The following DLG2 variants were observed in gnomAD, a reference collection of about 807,000 sequenced individuals.
DLG2 encodes the protein discs large MAGUK scaffold protein 2, also known as disks large homolog 2.
In DLG2, 45 loss-of-function variants were observed where a neutral mutation model predicts 132.5. The observed-to-expected ratio is 0.34, with a 90% CI of 0.27 to 0.44. The LOEUF is 0.44. Among genes scored for constraint, DLG2 ranks in the 20% least tolerant of loss-of-function variants. The pLI, the probability that DLG2 is intolerant of heterozygous loss-of-function variation, is 1.00. For synonymous variants in DLG2, 424 were observed against 419.6 expected (o/e 1.01, Z -0.13); for missense variants, 1,045 against 1,196.9 (o/e 0.87, Z 1.87).
At chr11:84,935,180 C>T (rs1477353836) in intron 6 of DLG2, among the ~76,000 whole-genome samples, 1 of 152,170 alleles carries the variant, frequency 6.6e-6, no homozygotes, top group Non-Finnish European at 1.5e-5. Flanking sequence ...GTAATGTTTT[C>T]ACCAGATTCA....
chr11:83,841,981 C>T (rs941726984), intron 16 of DLG2, among the ~76,000 whole-genome samples: 3 of 152,316 alleles, frequency 2.0e-5, no homozygotes, highest in Admixed American at 6.5e-5. Flanking sequence ...GAGTAAGGAG[C>T]GGCCAGCCTT....
At chr11:85,590,902 A>G (rs6592252) in intron 3 of DLG2, among the ~76,000 whole-genome samples, 19,364 of 152,132 alleles carry the variant, frequency 0.13, 1,493 homozygotes, top group East Asian at 0.28. Context: ...ATCTCACTAT[A>G]TAGGGAAATC....
intron 4 of DLG2, among the ~76,000 whole-genome samples, chr11:85,281,157 T>C (rs1050782552): frequency 6.6e-6 from 1 of 151,966 alleles, no homozygotes; most frequent in Admixed American, 6.6e-5. Context: ...GAGATGAAAT[T>C]TCAAAAAACG....
intron 6 of DLG2, among the ~76,000 whole-genome samples, chr11:84,779,878 A>G (rs1273442782): frequency 2.1e-5 from 3 of 143,102 alleles, no homozygotes; most frequent in Non-Finnish European, 4.7e-5. Context: ...TCAATAACAA[A>G]ACAATCTCTC....
intron 4 of DLG2, among the ~76,000 whole-genome samples, chr11:85,161,328 A>T (rs2152472908): frequency 6.6e-6 from 1 of 152,342 alleles, no homozygotes; most frequent in South Asian, 2.1e-4. Context: ...GCTCAGCAAC[A>T]TGCAGTTCCA....
rs146608846 is a variant in DLG2 at position 85,315,629 on chromosome 11, T to C, written c.41-30264A>G. Among the ~76,000 whole-genome samples the C allele has an allele frequency of 2.7e-3, 409 of 152,128 alleles. 1 individual carries two copies. The highest frequency in any genetic ancestry group is 9.5e-3 in the African/African-American group (396 of 41,544). On this transcript the variant is annotated intron_variant, in intron 3 of 27. Coordinates refer to ENST00000376104, the MANE Select transcript of DLG2 (RefSeq NM_001142699.3). ...CATATATCAGGACACACCAAAGATGTTGGTACCTCAACCCAAGATAGAGAC... is the reference window on the plus strand; with the variant it reads ...CATATATCAGGACACACCAAAGATGCTGGTACCTCAACCCAAGATAGAGAC...
intron 6 of DLG2, among the ~76,000 whole-genome samples, chr11:84,978,345 T>C (rs2055219978): frequency 6.6e-6 from 1 of 152,102 alleles, no homozygotes; most frequent in South Asian, 2.1e-4. Context: ...GAGCCCGCAT[T>C]GCCAAGACAA....
At chr11:83,569,157 G>T (rs1474398232) in intron 19 of DLG2, among the ~76,000 whole-genome samples, 1 of 151,684 alleles carries the variant, frequency 6.6e-6, no homozygotes, top group Non-Finnish European at 1.5e-5. Context: ...TAAAAAATCT[G>T]TTTTAAGTAC....
At chr11:85,225,413 C>A (rs1199280169) in intron 4 of DLG2, among the ~76,000 whole-genome samples, 2 of 152,026 alleles carry the variant, frequency 1.3e-5, no homozygotes, top group Non-Finnish European at 2.9e-5. Flanking sequence ...ACTTCCCGAT[C>A]TTTCCTTCTC....
intron 6 of DLG2, among the ~76,000 whole-genome samples, chr11:85,108,695 A>G (rs78852938): frequency 3.9e-5 from 6 of 152,044 alleles, no homozygotes. Context: ...CTTTTTTCTG[A>G]GACTACTACT....
At chr11:84,253,752 A>T (rs1350815599) in intron 7 of DLG2, among the ~76,000 whole-genome samples, 1 of 152,138 alleles carries the variant, frequency 6.6e-6, no homozygotes, top group African/African-American at 2.4e-5. Context: ...CACTATTTCT[A>T]TGTTATATAT....
rs191321225 is a variant in DLG2, at chr11:83,945,058, A to T, written c.1341-14575T>A. Among the ~76,000 whole-genome samples the T allele has an allele frequency of 1.2e-3, 183 of 152,330 alleles. 1 individual carries two copies. The highest frequency in any genetic ancestry group is 1.3e-4 in the Non-Finnish European group (9 of 68,026). ...AATTTCTCAGTCACTATATGGTCAC[A>T]AATACCATCACCTTTAATCTGTACA... is the stretch of plus-strand genomic sequence containing the variant. On this transcript the variant is annotated intron_variant, in intron 14 of 27. Coordinates refer to ENST00000376104, the MANE Select transcript of DLG2 (RefSeq NM_001142699.3).
chr11:83,976,406 C>G (rs2092220702), intron 12 of DLG2, among the ~76,000 whole-genome samples: 1 of 151,808 alleles, frequency 6.6e-6, no homozygotes, highest in Non-Finnish European at 1.5e-5. Context: ...TGTGGTACAG[C>G]TGGTACATCA....
chr11:85,518,998 G>C (rs2094223993), intron 3 of DLG2, among the ~76,000 whole-genome samples: 1 of 152,192 alleles, frequency 6.6e-6, no homozygotes, highest in Non-Finnish European at 1.5e-5. Context: ...CCTCCTCCTA[G>C]ATTTCAGAAG....
chr11:84,297,112 G>A (rs1455459032), intron 7 of DLG2, among the ~76,000 whole-genome samples: 26 of 144,802 alleles, frequency 1.8e-4, no homozygotes, highest in Admixed American at 4.9e-4. Context: ...ACCCATGTGA[G>A]GTAACCTCAA....
rs147731830 is a variant in DLG2 at position 83,731,361 on chromosome 11, C to A, written c.1825+55329G>T. On this transcript the variant is annotated intron_variant, in intron 18 of 27. Coordinates refer to ENST00000376104, the MANE Select transcript of DLG2 (RefSeq NM_001142699.3). ...GTCCATGTGTTCTTGTTGTATAGGT[C>A]CCACTTATGAGTGAGAACACGTAGT... is the stretch of plus-strand genomic sequence containing the variant. 5.5e-4 allele frequency among the ~76,000 whole-genome samples: 84 copies of A among 152,282 alleles called. No individual in the cohort carries two copies. In the East Asian group the frequency reaches 0.014, roughly 25 times the overall value.
chr11:84,152,296 C>A (rs1358967148), intron 9 of DLG2, among the ~76,000 whole-genome samples: 1 of 150,674 alleles, frequency 6.6e-6, no homozygotes, highest in Non-Finnish European at 1.5e-5. Flanking sequence ...ATATAATGCC[C>A]TTCTTTGTCA....
chr11:84,162,484 A>T (rs2095568795), intron 9 of DLG2, among the ~76,000 whole-genome samples: 3 of 152,022 alleles, frequency 2.0e-5, no homozygotes, highest in Non-Finnish European at 4.4e-5. Flanking sequence ...TTTATATTAC[A>T]TGAATACATA....
At chr11:85,023,832 A>G (rs1240114173) in intron 6 of DLG2, among the ~76,000 whole-genome samples, 3 of 152,116 alleles carry the variant, frequency 2.0e-5, no homozygotes, top group Non-Finnish European at 4.4e-5. Context: ...ATTATTTCAT[A>G]TCCTCATTAA....
Sources: gnomAD v4.1 joint callset for allele counts (sites outside exome capture counted in the v4.1 genomes callset) on GRCh38, gnomAD v4.1.1 for gene constraint, MANE v1.5 for transcripts, NCBI Gene and HGNC (gene_info 2026-07-23, HGNC 2026-07-21) for gene names.